The following DSCAML1 variants were observed in gnomAD, a reference collection of about 807,000 sequenced individuals.
The protein encoded by DSCAML1 is cell adhesion molecule DSCAML1.
Under a neutral mutation model 200.5 loss-of-function variants are expected in DSCAML1, and 38 were observed. The observed-to-expected ratio is 0.19, with a 90% CI of 0.15 to 0.25. The LOEUF (loss-of-function observed/expected upper bound fraction) is 0.25, where lower values mean the gene tolerates loss of function less well. Among genes scored for constraint, DSCAML1 ranks in the 10% least tolerant of loss-of-function variants. The pLI is 1.00. For synonymous variants in DSCAML1, 1,215 were observed against 1,165.0 expected (o/e 1.04, Z -0.87); for missense variants, 2,223 against 2,858.8 (o/e 0.78, Z 5.07).
Position 117,640,098 on chromosome 11 carries a change from G to A in DSCAML1, c.512-107576C>T, listed in dbSNP as rs148624923. On this transcript the variant is annotated intron_variant, in intron 3 of 32. Coordinates refer to ENST00000651296, the MANE Select transcript of DSCAML1 (RefSeq NM_020693.4). ...TGCAGCAGCCCCGTCTTGTTCTGCA[G>A]TGACAGTTCCCAAATACACAGCAAA... Among the ~76,000 whole-genome samples, 520 of 152,300 alleles carry A rather than the reference G, an allele frequency of 3.4e-3. 5 individuals are homozygous for A. The highest frequency in any genetic ancestry group is 0.012 in the African/African-American group (494 of 41,566).
intron 18 of DSCAML1, 21 bp from the exon 19 acceptor site, chr11:117,458,930 C>A: frequency 6.2e-7 from 1 of 1,610,076 alleles, no homozygotes; most frequent in Non-Finnish European, 8.5e-7. Flanking sequence ...CCAGCAAACT[C>A]TGAGGACCCA....
At chr11:117,540,553 A>T (rs990620904) in intron 3 of DSCAML1, among the ~76,000 whole-genome samples, 10 of 152,184 alleles carry the variant, frequency 6.6e-5, no homozygotes, top group Admixed American at 5.2e-4. Context: ...ATTTTATGTT[A>T]TGTATATTTT....
chr11:117,553,827 G>A (rs1013233077), intron 3 of DSCAML1, among the ~76,000 whole-genome samples: 1 of 152,232 alleles, frequency 6.6e-6, no homozygotes, highest in Non-Finnish European at 1.5e-5. Context: ...AACTGAAGCC[G>A]GGACTGGAAG....
rs528372519 is a variant in DSCAML1, at chr11:117,793,864, C to T, written c.46+3170G>A. On this transcript the variant is annotated intron_variant, in intron 1 of 32. Coordinates refer to ENST00000651296, the MANE Select transcript of DSCAML1 (RefSeq NM_020693.4). ...GGCTTTGATGCCCAGAAAAACGAAGCGTCGGAAAGGCTTGTCGGGCATCAT... is the reference window on the plus strand; with the variant it reads ...GGCTTTGATGCCCAGAAAAACGAAGTGTCGGAAAGGCTTGTCGGGCATCAT... 1.8e-3 allele frequency among the ~76,000 whole-genome samples: 272 copies of T among 152,250 alleles called. 1 individual carries two copies. Among genetic ancestry groups the T allele is most frequent in the South Asian group, 0.016 (76 of 4,820 alleles).
At position 117,525,550 on chromosome 11, in the gene DSCAML1, C is replaced by G. The variant is rs540718995; in HGVS notation, c.659-467G>C. Among the ~76,000 whole-genome samples, 3 of 152,082 alleles carry G rather than the reference C, an allele frequency of 2.0e-5. No individual in the cohort carries two copies. In the South Asian group the frequency reaches 6.2e-4, roughly 32 times the overall value. Reference sequence around the variant, plus strand: ...TCTTGGCTCACTGCAACCTCCACCTCCCAGGTTCAAGCAATTCTCCTGTCT... The same window carrying G: ...TCTTGGCTCACTGCAACCTCCACCTGCCAGGTTCAAGCAATTCTCCTGTCT... On this transcript the variant is annotated intron_variant, in intron 4 of 32. Transcript: ENST00000651296.
chr11:117,750,804 G>T (rs1308406574), intron 3 of DSCAML1, among the ~76,000 whole-genome samples: 1 of 152,184 alleles, frequency 6.6e-6, no homozygotes, highest in Non-Finnish European at 1.5e-5. Context: ...AATCACTCAG[G>T]TTGGACAGAG....
At chr11:117,647,838 T>A (rs1591359959) in intron 3 of DSCAML1, among the ~76,000 whole-genome samples, 1 of 152,158 alleles carries the variant, frequency 6.6e-6, no homozygotes, top group Admixed American at 6.5e-5. Context: ...CAGGGAACCC[T>A]TCTTGCCTTG....
intron 18 of DSCAML1, among the ~76,000 whole-genome samples, chr11:117,460,635 GGC>G (rs2048461544): frequency 1.3e-5 from 2 of 152,130 alleles, no homozygotes; most frequent in Non-Finnish European, 1.5e-5. Context: ...TACACCAGTG[GGC>G]AGGAGCTTGG....
At chr11:117,467,193 A>ACACCCCCCCCCCCC (rs1555172719) in intron 16 of DSCAML1, among the ~76,000 whole-genome samples, 3 of 109,518 alleles carry the variant, frequency 2.7e-5, no homozygotes, top group African/African-American at 1.3e-4. Flanking sequence ...GTGCACACAC[A>ACACCCCCCCCCCCC]CCTCCCCCCT....
rs2047938792 is a variant in DSCAML1, at chr11:117,437,288, C to T, written c.4554G>A (p.Arg1518=). Residue 1518 remains arginine (R), a synonymous_variant, in exon 26 of 33, where the codon CGG becomes CGA. Transcript: ENST00000651296. The surrounding 1 kb of genome is among the most constrained non-coding windows in gnomAD (Gnocchi z 5.3). ...CCTGCCAGGCCCAGGTCCCCTTGGGCCGGTACTCCAGAACGATGGCTGTGA... is the reference window on the plus strand; with the variant it reads ...CCTGCCAGGCCCAGGTCCCCTTGGGTCGGTACTCCAGAACGATGGCTGTGA... ...CPITAIVLEY[R]PKGTWAWQGL... 1 of 1,614,244 alleles carries T rather than the reference C, an allele frequency of 6.2e-7. No individual in the cohort carries two copies. Among genetic ancestry groups the T allele is most frequent in the Non-Finnish European group, 8.5e-7 (1 of 1,180,044 alleles).
intron 11 of DSCAML1, among the ~76,000 whole-genome samples, chr11:117,484,289 G>A (rs565694404): frequency 3.9e-4 from 59 of 152,242 alleles, no homozygotes; most frequent in African/African-American, 1.3e-3. Context: ...GAGGCGTCTG[G>A]GACAGGAGTA....
intron 11 of DSCAML1, among the ~76,000 whole-genome samples, chr11:117,494,121 ACT>A (rs2049245735): frequency 6.6e-6 from 1 of 152,200 alleles, no homozygotes; most frequent in Admixed American, 6.5e-5. Flanking sequence ...GAGAAAAATG[ACT>A]CTGAACATCA....
At chr11:117,519,656 G>GA (rs1463127218) in intron 6 of DSCAML1, among the ~76,000 whole-genome samples, 3 of 151,932 alleles carry the variant, frequency 2.0e-5, no homozygotes, top group African/African-American at 7.3e-5. Flanking sequence ...CATGTCTTTA[G>GA]AAAAAATGTA....
In DSCAML1 at chr11:117,741,173, C is replaced by G. The variant is rs544125959; in HGVS notation, c.511+35618G>C. 2.0e-4 allele frequency among the ~76,000 whole-genome samples: 30 copies of G among 152,360 alleles called. No individual in the cohort carries two copies. The South Asian group carries it at 2.3e-3, about 12-fold the overall frequency. ...ATAGTATGGAGTTGTTGCTGTAAAG[C>G]AGCCGCCCAGCCAGGGACTCTGCTT... On this transcript the variant is annotated intron_variant, in intron 3 of 32. Coordinates refer to ENST00000651296, the MANE Select transcript of DSCAML1 (RefSeq NM_020693.4).
intron 3 of DSCAML1, among the ~76,000 whole-genome samples, chr11:117,681,237 A>G (rs2053306928): frequency 6.6e-6 from 1 of 151,846 alleles, no homozygotes; most frequent in African/African-American, 2.4e-5. Context: ...GGGGCTTGCC[A>G]CTCACCTAGT....
intron 4 of DSCAML1, among the ~76,000 whole-genome samples, chr11:117,531,591 T>C (rs980360402): frequency 1.4e-4 from 21 of 152,110 alleles, no homozygotes; most frequent in East Asian, 5.8e-4. Context: ...ATTGATCAGA[T>C]AGAATCCTCA....
At chr11:117,499,205 C>CT (rs1592668531) in intron 11 of DSCAML1, among the ~76,000 whole-genome samples, 1 of 152,024 alleles carries the variant, frequency 6.6e-6, no homozygotes, top group Non-Finnish European at 1.5e-5. Context: ...ATCTCCCTTC[C>CT]TTTTTTTAAA....
intron 3 of DSCAML1, among the ~76,000 whole-genome samples, chr11:117,647,520 C>T (rs746311109): frequency 5.9e-5 from 9 of 152,138 alleles, no homozygotes; most frequent in South Asian, 4.1e-4. Context: ...CACAGGTCAA[C>T]GGGCATAAAG....
In DSCAML1 at chr11:117,463,109, A is replaced by G. The variant is rs928068160; in HGVS notation, c.3266-1513T>C. Among the ~76,000 whole-genome samples the G allele has an allele frequency of 6.6e-6, 1 of 152,234 alleles. No homozygotes were observed. The highest frequency in any genetic ancestry group is 2.4e-5 in the African/African-American group (1 of 41,466). On this transcript the variant is annotated intron_variant, in intron 17 of 32. Coordinates refer to ENST00000651296, the MANE Select transcript of DSCAML1 (RefSeq NM_020693.4). This position sits in a 1 kb window ranked among gnomAD's most constrained non-coding sequence, Gnocchi z 4.0. ...GACACACCTTCCTAAAGCCTCCTGC[A>G]TCTGCGTCACTTGTTCGTGCATCCA...
Sources: allele counts gnomAD v4.1 joint callset (sites outside exome capture counted in the v4.1 genomes callset), GRCh38; gene constraint gnomAD v4.1.1; non-coding constraint Gnocchi (gnomAD v3.1); transcripts MANE v1.5; gene names NCBI Gene and HGNC (gene_info 2026-07-23, HGNC 2026-07-21).